The following MTSS2 variants were observed in gnomAD, a reference collection of about 807,000 sequenced individuals.
The protein encoded by MTSS2 is protein MTSS 2.
Under a neutral mutation model 67.1 loss-of-function variants are expected in MTSS2, and 27 were observed. The ratio of observed to expected loss-of-function variants is 0.40; its 90% CI spans 0.30 to 0.55. The LOEUF (loss-of-function observed/expected upper bound fraction) is 0.55. Ranked by LOEUF, MTSS2 falls within the 20% of genes least tolerant of loss-of-function variation. The pLI is 0.43. For missense variants in MTSS2, 1,171 were observed against 1,067.8 expected, an observed-to-expected ratio of 1.10 and a Z score of -1.35; for synonymous variants, 624 against 468.6, an observed-to-expected ratio of 1.33 and a Z score of -4.28.
chr16:70,673,017 T>C (rs1422284691), intron 11 of MTSS2, among the ~76,000 whole-genome samples: 1 of 152,038 alleles, frequency 6.6e-6, no homozygotes, highest in Non-Finnish European at 1.5e-5. Context: ...AAAAATTAGC[T>C]GGGCATGGTG....
intron 9 of MTSS2, among the ~76,000 whole-genome samples, chr16:70,677,332 G>A (rs2053150630): frequency 6.6e-6 from 1 of 152,196 alleles, no homozygotes; most frequent in Non-Finnish European, 1.5e-5. Context: ...GGCAGATGCT[G>A]GGCATGCAAC....
At position 70,674,478 on chromosome 16, in the gene MTSS2, C is replaced by A. The variant is rs200666822; in HGVS notation, c.881G>T (p.Gly294Val). ...ACTGGGTGAGTATGTTTGGGCACCC[C>A]CAGGCCATGGGGCTCCGCCACCCTT... ...SAKGGGAPWP[G>V]GAQTYSPSST... The change falls in exon 11 of 15, where the codon GGG (glycine) becomes GTG (valine). Residue 294 changes from glycine to valine, a missense_variant. Gly to Val is a moderately radical substitution (Grantham distance 109). Around this residue, in one of 2 missense-constraint regions of MTSS2, gnomAD observed 924 missense variants for 756.0 expected, o/e 1.22. Coordinates refer to ENST00000338779, the MANE Select transcript of MTSS2 (RefSeq NM_138383.3). The A allele has an allele frequency of 6.2e-7, 1 of 1,613,920 alleles. No homozygotes were observed. Among genetic ancestry groups the A allele is most frequent in the East Asian group, 2.2e-5 (1 of 44,894 alleles).
chr16:70,678,741 C>A (rs996780283), intron 7 of MTSS2, among the ~76,000 whole-genome samples: 1 of 152,204 alleles, frequency 6.6e-6, no homozygotes, highest in African/African-American at 2.4e-5. Flanking sequence ...CCTCACTGAC[C>A]CGGGATGGCG....
rs2053042303 is a variant in MTSS2, at chr16:70,674,381, A to G, written c.978T>C (p.His326=). ...TTARLSSVSS[H]DSGFVSQDAT... ...CGTCCTGGGAGACGAAGCCAGAGTC[A>G]TGGGAGGAAACGCTGGAGAGGCGAG... The change falls in exon 11 of 15, where the codon CAT becomes CAC. Residue 326 remains histidine (H), a synonymous_variant. Transcript: ENST00000338779. 6.2e-7 allele frequency: 1 copy of G among 1,614,162 alleles called. No homozygotes were observed. Among genetic ancestry groups the G allele is most frequent in the Non-Finnish European group, 8.5e-7 (1 of 1,180,024 alleles).
At chr16:70,680,172 C>A (rs1050798366) in intron 3 of MTSS2, 117 bp from the exon 4 acceptor site, 8 of 489,320 alleles carry the variant, frequency 1.6e-5, no homozygotes, top group South Asian at 9.1e-5. Context: ...CGCCCTGCCC[C>A]CGCCGAGCCG....
At chr16:70,683,401 C>T (rs927958487) in intron 1 of MTSS2, among the ~76,000 whole-genome samples, 3 of 152,208 alleles carry the variant, frequency 2.0e-5, no homozygotes, top group Admixed American at 6.5e-5. Flanking sequence ...GCTAACAGTA[C>T]GCAAGCCCTG....
chr16:70,665,180 G>A (rs1429262989), intron 12 of MTSS2, 84 bp from the exon 13 acceptor site: 2 of 1,445,754 alleles, frequency 1.4e-6, no homozygotes, highest in Admixed American at 4.5e-5. Flanking sequence ...CTGAGGCTCA[G>A]GGTGTCCAGG....
intron 13 of MTSS2, 44 bp downstream of exon 13, chr16:70,664,876 C>T (rs753204797): frequency 3.3e-6 from 5 of 1,519,880 alleles, no homozygotes; most frequent in Non-Finnish European, 8.8e-7. Context: ...GGCTGGGCCT[C>T]CTGGGACTGA....
At chr16:70,676,856 C>A in intron 10 of MTSS2, 25 bp downstream of exon 10, 1 of 1,605,394 alleles carries the variant, frequency 6.2e-7, no homozygotes, top group East Asian at 2.2e-5. Flanking sequence ...CCCCCCACAC[C>A]CCTGGGAACC....
chr16:70,668,710 C>G (rs986980429), intron 11 of MTSS2, among the ~76,000 whole-genome samples: 4 of 152,170 alleles, frequency 2.6e-5, no homozygotes, highest in African/African-American at 4.8e-5. Context: ...TTTTAGGGAT[C>G]TTATAAAAAG....
In MTSS2 at chr16:70,674,492, T is replaced by G; in HGVS notation, c.867A>C (p.Gly289=). Residue 289 remains glycine, a synonymous_variant, in exon 11 of 15, where the codon GGA becomes GGC. Coordinates refer to ENST00000338779, the MANE Select transcript of MTSS2 (RefSeq NM_138383.3). ...PSSSSSAKGG[G]APWPGGAQTY... Reference sequence around the variant, plus strand: ...TTTGGGCACCCCCAGGCCATGGGGCTCCGCCACCCTTGGCACTGCTACTGC... The same window carrying G: ...TTTGGGCACCCCCAGGCCATGGGGCGCCGCCACCCTTGGCACTGCTACTGC... 1.2e-6 allele frequency: 2 copies of G among 1,613,736 alleles called. No individual in the cohort carries two copies. The highest frequency in any genetic ancestry group is 1.1e-5 in the South Asian group (1 of 91,058).
chr16:70,685,805 CG>C lies in MTSS2; in HGVS notation c.-15del. 1 of 1,258,294 alleles carries C rather than the reference CG, an allele frequency of 7.9e-7. No individual in the cohort carries two copies. The allele number at this position is 1,258,294 out of a possible 1,614,324, so 77.9% of individuals were successfully genotyped here. A position where few individuals can be genotyped will look rare whatever the true frequency, so the allele number is the denominator to read the frequency against. On this transcript the variant is annotated 5_prime_UTR_variant, in exon 1 of 15. Transcript: ENST00000338779. ...CGCCGTCTCCATGCTCTGGCTGGGC[CG>C]GGCCGCGGCGGCGGCTAGGCGCACG...
chr16:70,673,290 A>G (rs1414127743), intron 11 of MTSS2, among the ~76,000 whole-genome samples: 1 of 152,256 alleles, frequency 6.6e-6, no homozygotes, highest in East Asian at 1.9e-4. Context: ...CTGTAGCAAA[A>G]CTAAAGAGAA....
At chr16:70,670,969 C>CAAAAAAAA (rs1166088540) in intron 11 of MTSS2, among the ~76,000 whole-genome samples, 1 of 32,970 alleles carries the variant, frequency 3.0e-5, no homozygotes, top group Non-Finnish European at 6.4e-5. Flanking sequence ...GACCCTGTCT[C>CAAAAAAAA]AAAAAAAAAA....
Position 70,667,876 on chromosome 16 carries a change from AAAAAAACC to A in MTSS2, c.1054-2344_1054-2337del, listed in dbSNP as rs1371109534. The stretch of plus-strand genomic sequence containing the variant: ...TGACAGAGTGAGACTCTGCCTCAGA[AAAAAAACC>A]AAAAAACCAAAAACCTCTACAAAAC... On this transcript the variant is annotated intron_variant, in intron 11 of 14. Coordinates refer to ENST00000338779, the MANE Select transcript of MTSS2 (RefSeq NM_138383.3). Among the ~76,000 whole-genome samples, 4 of 152,186 alleles carry A rather than the reference AAAAAAACC, an allele frequency of 2.6e-5. No homozygotes were observed. The East Asian group carries it at 5.8e-4, about 22-fold the overall frequency.
At chr16:70,678,206 T>C in intron 8 of MTSS2, 46 bp downstream of exon 8, 1 of 1,560,500 alleles carries the variant, frequency 6.4e-7, no homozygotes, top group African/African-American at 1.4e-5. Context: ...AGGTCAACCC[T>C]GGGCCCAGCC....
chr16:70,686,000 C>CGGCGCGGGG lies in MTSS2; in HGVS notation c.-218_-210dup, dbSNP rs929616030. On this transcript the variant is annotated 5_prime_UTR_variant, in exon 1 of 15. Coordinates refer to ENST00000338779, the MANE Select transcript of MTSS2 (RefSeq NM_138383.3). ...GCCATGTCGCAGCGGGGCTGGCGGG[C>CGGCGCGGGG]GGCGCGGGGGGCGCGGCGCGGGCAG... 6.8e-6 allele frequency: 1 copy of CGGCGCGGGG among 147,240 alleles called. No homozygotes were observed. 9.1% of individuals were successfully genotyped at this position (147,240 alleles called of 1,614,324 possible). A position where few individuals can be genotyped will look rare whatever the true frequency, so the allele number is the denominator to read the frequency against.
At chr16:70,666,788 A>AAAC (rs1426512477) in intron 11 of MTSS2, among the ~76,000 whole-genome samples, 1 of 152,254 alleles carries the variant, frequency 6.6e-6, no homozygotes, top group Non-Finnish European at 1.5e-5. Flanking sequence ...TGCTCATGAA[A>AAAC]AACAATACAA....
chr16:70,672,558 T>G (rs1215116597), intron 11 of MTSS2, among the ~76,000 whole-genome samples: 2 of 151,498 alleles, frequency 1.3e-5, no homozygotes, highest in Non-Finnish European at 2.9e-5. Context: ...CTGGGGAGAT[T>G]CTGGGAAGAG....
Sources: gnomAD v4.1 joint callset for allele counts (sites outside exome capture counted in the v4.1 genomes callset) on GRCh38, gnomAD v4.1.1 for gene constraint, gnomAD v4.1.1 regional missense constraint, MANE v1.5 for transcripts, NCBI Gene and HGNC (gene_info 2026-07-23, HGNC 2026-07-21) for gene names.